ASB3: variants seen among roughly 807,000 people sequenced by gnomAD.
ASB3 encodes ankyrin repeat and SOCS box containing 3.
Under a neutral mutation model 54.5 loss-of-function variants are expected in ASB3, and 41 were observed. The observed-to-expected ratio is 0.75, with a 90% CI of 0.59 to 0.98. ASB3 has a LOEUF of 0.98. Among genes scored for constraint, ASB3 ranks in the 50% least tolerant of loss-of-function variants. ASB3 has a pLI of 0.00. For synonymous variants in ASB3, 266 were observed against 221.2 expected, an observed-to-expected ratio of 1.20 and a Z score of -1.80; for missense variants, 733 against 620.0, an observed-to-expected ratio of 1.18 and a Z score of -1.94.
chr2:53,748,744 T>C (rs2103997283), intron 3 of ASB3, among the ~76,000 whole-genome samples: 1 of 152,056 alleles, frequency 6.6e-6, no homozygotes, highest in Admixed American at 6.5e-5. Context: ...TGTTCCAAAT[T>C]AAAGGAAGCC....
At chr2:53,732,643 T>C (rs751152054) in intron 3 of ASB3, among the ~76,000 whole-genome samples, 2 of 152,228 alleles carry the variant, frequency 1.3e-5, no homozygotes, top group African/African-American at 2.4e-5. Context: ...GCAAGTTATG[T>C]TTTCACTTTT....
chr2:53,704,052 C>T (rs911937992), intron 7 of ASB3, among the ~76,000 whole-genome samples: 4 of 152,140 alleles, frequency 2.6e-5, no homozygotes, highest in Middle Eastern at 3.4e-3. Flanking sequence ...ATAGGAAATT[C>T]GTGTATCACT....
intron 5 of ASB3, among the ~76,000 whole-genome samples, chr2:53,720,912 T>A (rs1314428549): frequency 6.6e-6 from 1 of 151,732 alleles, no homozygotes; most frequent in Non-Finnish European, 1.5e-5. Context: ...AGGTCAGGAG[T>A]TTGAGACCAA....
chr2:53,764,837 T>A (rs1673346293), intron 2 of ASB3, among the ~76,000 whole-genome samples: 1 of 152,258 alleles, frequency 6.6e-6, no homozygotes, highest in African/African-American at 2.4e-5. Flanking sequence ...TTTTATTTTC[T>A]TCATAACACT....
intron 7 of ASB3, among the ~76,000 whole-genome samples, chr2:53,704,797 C>T (rs1669680264): frequency 6.6e-6 from 1 of 152,100 alleles, no homozygotes; most frequent in South Asian, 2.1e-4. Flanking sequence ...GGTAACTGGT[C>T]TAAAAAAACA....
At chr2:53,755,016 G>A (rs1672735792) in intron 2 of ASB3, among the ~76,000 whole-genome samples, 1 of 152,158 alleles carries the variant, frequency 6.6e-6, no homozygotes, top group Admixed American at 6.5e-5. Flanking sequence ...AAAAAGAAAT[G>A]GCTCATCCTA....
chr2:53,692,362 T>C (rs898157311), intron 9 of ASB3, among the ~76,000 whole-genome samples: 4 of 152,008 alleles, frequency 2.6e-5, no homozygotes, highest in African/African-American at 4.8e-5. Flanking sequence ...GTCCAAAAGA[T>C]AGTTGGGATA....
intron 3 of ASB3, among the ~76,000 whole-genome samples, chr2:53,731,025 A>C (rs549719350): frequency 2.0e-5 from 3 of 152,312 alleles, no homozygotes; most frequent in South Asian, 4.1e-4. Context: ...GACAAGTAAC[A>C]TGCCATTGAT....
At chr2:53,693,318 AGTGAG>A (rs1669014141) in intron 9 of ASB3, among the ~76,000 whole-genome samples, 1 of 152,150 alleles carries the variant, frequency 6.6e-6, no homozygotes, top group Admixed American at 6.6e-5. Flanking sequence ...AATTTTTTTA[AGTGAG>A]GTAAGTTGAA....
chr2:53,700,356 T>A lies in ASB3; in HGVS notation c.1153A>T (p.Ile385Phe), dbSNP rs765788812. 15 of 1,614,134 alleles carry A rather than the reference T, an allele frequency of 9.3e-6. No homozygotes were observed. Among genetic ancestry groups the A allele is most frequent in the Non-Finnish European group, 1.3e-5 (15 of 1,180,010 alleles). The stretch of plus-strand genomic sequence containing the variant: ...TCCTTATATTTTGCTTGTGCTTTAA[T>A]TGCATGATTTACAAATTCATATATA... ...NHIYEFVNHA[I>F]KAQAKYKEWL... is the part of the protein sequence containing the mutation. Residue 385 changes from isoleucine to phenylalanine, a missense_variant, in exon 8 of 10, where the codon ATT becomes TTT. By Grantham distance (21) the Ile-to-Phe change is conservative. Coordinates refer to ENST00000263634, the MANE Select transcript of ASB3 (RefSeq NM_016115.5).
intron 1 of ASB3, chr2:53,775,079 G>A (rs6736808): frequency 9.2e-5 from 14 of 152,422 alleles, no homozygotes; most frequent in African/African-American, 1.9e-4. Flanking sequence ...TTTAAAATAC[G>A]AAAATTTCCT....
intron 2 of ASB3, among the ~76,000 whole-genome samples, chr2:53,759,815 G>T (rs1422342794): frequency 6.6e-6 from 1 of 152,202 alleles, no homozygotes; most frequent in South Asian, 2.1e-4. Context: ...GGTCCTCTGA[G>T]TCAGAAGCCA....
intron 7 of ASB3, among the ~76,000 whole-genome samples, chr2:53,705,934 T>A (rs11676319): frequency 0.1 from 15,606 of 152,166 alleles, 962 homozygotes; most frequent in Non-Finnish European, 0.14. Context: ...AGAATGCAAG[T>A]ACAAGGCACA....
intron 7 of ASB3, among the ~76,000 whole-genome samples, chr2:53,712,745 A>AAC (rs3061604): frequency 0.023 from 3,467 of 150,216 alleles, 91 homozygotes; most frequent in African/African-American, 0.063. Flanking sequence ...CATCATATTG[A>AAC]ACACACACAC....
At chr2:53,771,336 A>C (rs1673891356) in intron 1 of ASB3, among the ~76,000 whole-genome samples, 1 of 152,058 alleles carries the variant, frequency 6.6e-6, no homozygotes, top group Admixed American at 6.6e-5. Flanking sequence ...CCAACATGGT[A>C]AACCCGTCTC....
chr2:53,707,043 T>A (rs919950107), intron 7 of ASB3, among the ~76,000 whole-genome samples: 1 of 152,180 alleles, frequency 6.6e-6, no homozygotes, highest in East Asian at 1.9e-4. Context: ...AAATAATTGT[T>A]CTGGTCTAAA....
intron 9 of ASB3, 128 bp downstream of exon 9, chr2:53,693,756 C>T: frequency 7.5e-7 from 1 of 1,339,614 alleles, no homozygotes; most frequent in Non-Finnish European, 9.9e-7. Context: ...CTTTTCCTCA[C>T]ATAAGAAAAT....
At chr2:53,717,673 C>T (rs1004655644) in intron 5 of ASB3, among the ~76,000 whole-genome samples, 7 of 152,004 alleles carry the variant, frequency 4.6e-5, no homozygotes, top group Non-Finnish European at 1.0e-4. Context: ...CAGTCGTGTT[C>T]CCGCAATGGT....
intron 1 of ASB3, among the ~76,000 whole-genome samples, chr2:53,766,973 C>T (rs1294892678): frequency 6.6e-6 from 1 of 152,110 alleles, no homozygotes; most frequent in African/African-American, 2.4e-5. Flanking sequence ...ATAGTCCAAG[C>T]GAATTTCCTA....
Sources: gnomAD v4.1 joint callset for allele counts (sites outside exome capture counted in the v4.1 genomes callset) on GRCh38, gnomAD v4.1.1 for gene constraint, MANE v1.5 for transcripts, NCBI Gene and HGNC (gene_info 2026-07-23, HGNC 2026-07-21) for gene names.